KCNA10: variants seen among roughly 807,000 people sequenced by gnomAD.
KCNA10 encodes the protein potassium voltage-gated channel subfamily A member 10.
KCNA10 carries 16 observed loss-of-function variants against 21.4 expected under a neutral mutation model. That is an observed-to-expected ratio of 0.75 (90% CI 0.51 to 1.14). KCNA10 has a LOEUF of 1.14. Ranked by LOEUF, KCNA10 falls within the 50% of genes most tolerant of loss-of-function variation. The pLI is 0.00. For missense variants in KCNA10, 677 were observed against 649.1 expected (o/e 1.04, Z -0.47); for synonymous variants, 276 against 245.9 (o/e 1.12, Z -1.15).
Position 110,517,978 on chromosome 1 carries a change from A to G in KCNA10, c.810T>C (p.Pro270=). 6.2e-7 allele frequency: 1 copy of G among 1,613,888 alleles called. No individual in the cohort carries two copies. Among genetic ancestry groups the G allele is most frequent in the Non-Finnish European group, 8.5e-7 (1 of 1,180,006 alleles). Residue 270 remains proline, a synonymous_variant, in exon 1 of 1, where the codon CCT becomes CCC. Coordinates refer to ENST00000369771, the MANE Select transcript of KCNA10 (RefSeq NM_005549.2). ...TGCAGGTAGACTCCACCATGAAGAAAGGGTCGGTGAACATGGTCTGGGAGA... is the reference window on the plus strand; with the variant it reads ...TGCAGGTAGACTCCACCATGAAGAAGGGGTCGGTGAACATGGTCTGGGAGA... ...TVLSQTMFTD[P]FFMVESTCIV... is the part of the protein sequence containing the mutation.
rs1647260562 is a variant in KCNA10, at chr1:110,517,811, T to C, written c.977A>G (p.Glu326Gly). Residue 326 changes from glutamate to glycine, a missense_variant, in exon 1 of 1, where the codon GAG becomes GGG. Physicochemically the swap from Glu to Gly is moderately conservative, Grantham distance 98 (BLOSUM62 -2). Coordinates refer to ENST00000369771, the MANE Select transcript of KCNA10 (RefSeq NM_005549.2). The stretch of plus-strand genomic sequence containing the variant: ...GTTCTGTTGGGCACTCGGCTCTGTC[T>C]CCTGGACTAGCTCTGTGATGAGAGT... ...FATLITELVQ[E>G]TEPSAQQNMS... is the part of the protein sequence containing the mutation. 10 of 1,614,116 alleles carry C rather than the reference T, an allele frequency of 6.2e-6. No individual in the cohort carries two copies. Among genetic ancestry groups the C allele is most frequent in the Non-Finnish European group, 7.6e-6 (9 of 1,180,030 alleles).
chr1:110,518,352 G>A lies in KCNA10; in HGVS notation c.436C>T (p.Gln146Ter), dbSNP rs752413000. ...PSFDGILYYYQSGGKIRRPAN... is the reference protein window; with the variant it reads ...PSFDGILYYY The stretch of plus-strand genomic sequence containing the variant: ...GGGCGCCGAATTTTCCCACCAGATT[G>A]GTAATAATATAGGATTCCATCAAAA... The change falls in exon 1 of 1, where the codon CAA becomes TAA. Residue 146 changes from glutamine (Q) to a stop codon, truncating the protein, a stop_gained. Transcript: ENST00000369771. LOFTEE classifies it high-confidence loss of function. 4 of 1,614,182 alleles carry A rather than the reference G, an allele frequency of 2.5e-6. No individual in the cohort carries two copies. The highest frequency in any genetic ancestry group is 2.5e-6 in the Non-Finnish European group (3 of 1,180,034).
rs1182950171 is a variant in KCNA10, at chr1:110,517,658, A to G, written c.1130T>C (p.Leu377Ser). 1.2e-6 allele frequency: 2 copies of G among 1,614,172 alleles called. No individual in the cohort carries two copies. The highest frequency in any genetic ancestry group is 1.7e-6 in the Non-Finnish European group (2 of 1,180,028). ...TLKASMRELGLLIFFLFIGVI... is the reference protein window; with the variant it reads ...TLKASMRELGSLIFFLFIGVI... Reference sequence around the variant, plus strand: ...TCCAATGAAGAGAAAGAAGATGAGCAACCCCAACTCCCGCATGGACGCCTT... The same window carrying G: ...TCCAATGAAGAGAAAGAAGATGAGCGACCCCAACTCCCGCATGGACGCCTT... The change falls in exon 1 of 1, where the codon TTG becomes TCG. Residue 377 changes from leucine to serine, a missense_variant. Transcript: ENST00000369771.
At position 110,517,281 on chromosome 1, in the gene KCNA10, C is replaced by A; in HGVS notation, c.1507G>T (p.Gly503Cys). The A allele has an allele frequency of 1.9e-6, 3 of 1,613,854 alleles. No individual in the cohort carries two copies. The highest frequency in any genetic ancestry group is 2.5e-6 in the Non-Finnish European group (3 of 1,179,804). Residue 503 changes from glycine to cysteine, a missense_variant, in exon 1 of 1, where the codon GGC becomes TGC. Transcript: ENST00000369771. ...STDSLNKTNG[G>C]CSTEKSRK ...TTCCTAGACTTCTCTGTGGAACAGC[C>A]ACCATTGGTCTTATTAAGAGAGTCT...
At position 110,518,801 on chromosome 1, in the gene KCNA10, G is replaced by A; in HGVS notation, c.-14C>T. 1.3e-6 allele frequency: 2 copies of A among 1,518,096 alleles called. No homozygotes were observed. The highest frequency in any genetic ancestry group is 1.8e-6 in the Non-Finnish European group (2 of 1,129,658). The allele number at this position is 1,518,096 out of a possible 1,614,324, so 94.0% of individuals were successfully genotyped here. On this transcript the variant is annotated 5_prime_UTR_variant, in exon 1 of 1. Coordinates refer to ENST00000369771, the MANE Select transcript of KCNA10 (RefSeq NM_005549.2). ...ACACACATCCATTCTAGGGGAGCCA[G>A]GGAAGAAGCATGAAGATCCTCAGCC... is the stretch of plus-strand genomic sequence containing the variant.
In KCNA10 at chr1:110,517,362, T is replaced by G. The variant is rs750190808; in HGVS notation, c.1426A>C (p.Ile476Leu). ...AGGATTCTTTCAATTTCTCCTGGGA[T>G]GTTCTGCTTTTCTTCATTCTCAGTC... Reference protein sequence around the residue: ...RETENEEKQNIPGEIERILNS... With the variant: ...RETENEEKQNLPGEIERILNS... The change falls in exon 1 of 1, where the codon ATC becomes CTC. Residue 476 changes from isoleucine (I) to leucine (L), a missense_variant. Coordinates refer to ENST00000369771, the MANE Select transcript of KCNA10 (RefSeq NM_005549.2). 1.2e-6 allele frequency: 2 copies of G among 1,614,202 alleles called. No individual in the cohort carries two copies. The highest frequency in any genetic ancestry group is 1.7e-6 in the Non-Finnish European group (2 of 1,180,008).
chr1:110,518,017 C>T lies in KCNA10; in HGVS notation c.771G>A (p.Met257Ile), dbSNP rs746907973. ...TGGTCTGGGAGAGGACTGTCTTGCT[C>T]ATGTTGAGATTGGGGTCTCTGACCA... ...LKVVRDPNLNMSKTVLSQTMF... is the reference protein window; with the variant it reads ...LKVVRDPNLNISKTVLSQTMF... Residue 257 changes from methionine (M) to isoleucine (I), a missense_variant, in exon 1 of 1, where the codon ATG becomes ATA. Met to Ile is a conservative substitution (Grantham distance 10, BLOSUM62 1). Transcript: ENST00000369771. The T allele has an allele frequency of 1.9e-6, 3 of 1,613,946 alleles. No individual in the cohort carries two copies. The highest frequency in any genetic ancestry group is 2.5e-6 in the Non-Finnish European group (3 of 1,180,000).
rs1317611363 is a variant in KCNA10 at position 110,517,486 on chromosome 1, C to T, written c.1302G>A (p.Gly434=). The T allele has an allele frequency of 1.9e-6, 3 of 1,614,142 alleles. No individual in the cohort carries two copies. Among genetic ancestry groups the T allele is most frequent in the East Asian group, 2.2e-5 (1 of 44,880 alleles). ...YGDMCPTTPG[G]KIVGTLCAIA... ...TGGCACACAGAGTGCCCACAATCTT[C>T]CCCCCTGGGGTGGTCGGGCACATGT... is the stretch of plus-strand genomic sequence containing the variant. Residue 434 remains glycine, a synonymous_variant, in exon 1 of 1, where the codon GGG becomes GGA. Transcript: ENST00000369771.
rs1332429262 is a variant in KCNA10, at chr1:110,517,659, A to G, written c.1129T>C (p.Leu377=). The G allele has an allele frequency of 6.2e-7, 1 of 1,613,974 alleles. No homozygotes were observed. Among genetic ancestry groups the G allele is most frequent in the Non-Finnish European group, 8.5e-7 (1 of 1,179,982 alleles). ...CCAATGAAGAGAAAGAAGATGAGCA[A>G]CCCCAACTCCCGCATGGACGCCTTC... ...TLKASMRELG[L]LIFFLFIGVI... is the part of the protein sequence containing the mutation. Residue 377 remains leucine (L), a synonymous_variant, in exon 1 of 1, where the codon TTG becomes CTG. Transcript: ENST00000369771.
In KCNA10 at chr1:110,517,470, G is replaced by C. The variant is rs556353083; in HGVS notation, c.1318C>G (p.Leu440Val). 6 of 1,614,176 alleles carry C rather than the reference G, an allele frequency of 3.7e-6. No homozygotes were observed. The East Asian group carries it at 1.3e-4, about 36-fold the overall frequency. The change falls in exon 1 of 1, where the codon CTG becomes GTG. Residue 440 changes from leucine to valine, a missense_variant. Leu to Val is a conservative substitution (Grantham distance 32). Transcript: ENST00000369771. ...GTGAGGACCCCTGCAATGGCACACAGAGTGCCCACAATCTTCCCCCCTGGG... is the reference window on the plus strand; with the variant it reads ...GTGAGGACCCCTGCAATGGCACACACAGTGCCCACAATCTTCCCCCCTGGG... Reference protein sequence around the residue: ...TTPGGKIVGTLCAIAGVLTIA... With the variant: ...TTPGGKIVGTVCAIAGVLTIA...
In KCNA10 at chr1:110,518,085, G is replaced by A. The variant is rs952028901; in HGVS notation, c.703C>T (p.Leu235=). Reference sequence around the variant, plus strand: ...TCCCGGAACTCTGGCAGTGTCTCCAGGCAGAAGATGGTGATGGAGATGACC... The same window carrying A: ...TCCCGGAACTCTGGCAGTGTCTCCAAGCAGAAGATGGTGATGGAGATGACC... ...VVVISITIFC[L]ETLPEFREDR... Residue 235 remains leucine, a synonymous_variant, in exon 1 of 1, where the codon CTG becomes TTG. Transcript: ENST00000369771. 1 of 1,613,606 alleles carries A rather than the reference G, an allele frequency of 6.2e-7. No individual in the cohort carries two copies. Among genetic ancestry groups the A allele is most frequent in the Non-Finnish European group, 8.5e-7 (1 of 1,179,924 alleles).
Position 110,517,528 on chromosome 1 carries a change from T to G in KCNA10, c.1260A>C (p.Thr420=), listed in dbSNP as rs571930270. The G allele has an allele frequency of 1.2e-6, 2 of 1,614,150 alleles. No homozygotes were observed. The highest frequency in any genetic ancestry group is 2.7e-5 in the African/African-American group (2 of 75,022). The change falls in exon 1 of 1, where the codon ACA becomes ACC. Residue 420 remains threonine (T), a synonymous_variant. Transcript: ENST00000369771. The part of the protein sequence containing the change: ...DGFWWAVVTM[T]TVGYGDMCPT... ...GGCACATGTCCCCATAGCCTACAGT[T>G]GTCATGGTGACCACTGCCCACCAGA...
rs1279843710 is a variant in KCNA10, at chr1:110,518,394, C to A, written c.394G>T (p.Asp132Tyr). ...FDSMRNEYFF[D>Y]RNRPSFDGIL... ...CCATCAAAACTGGGCCGGTTCCGAT[C>A]AAAGAAATACTCATTTCTCATGGAG... Residue 132 changes from aspartate to tyrosine, a missense_variant, in exon 1 of 1, where the codon GAT (aspartate) becomes TAT (tyrosine). Coordinates refer to ENST00000369771, the MANE Select transcript of KCNA10 (RefSeq NM_005549.2). 6.2e-7 allele frequency: 1 copy of A among 1,614,186 alleles called. No homozygotes were observed. The highest frequency in any genetic ancestry group is 2.2e-5 in the East Asian group (1 of 44,880).
At position 110,518,282 on chromosome 1, in the gene KCNA10, T is replaced by C. The variant is rs752373457; in HGVS notation, c.506A>G (p.Tyr169Cys). The change falls in exon 1 of 1, where the codon TAT becomes TGT. Residue 169 changes from tyrosine (Y) to cysteine (C), a missense_variant. By Grantham distance (194) the Tyr-to-Cys change is radical (BLOSUM62 -2). Transcript: ENST00000369771. Reference protein sequence around the residue: ...IDIFADEISFYELGSEAMDQF... With the variant: ...IDIFADEISFCELGSEAMDQF... Reference sequence around the variant, plus strand: ...GTCCATGGCCTCACTACCCAGCTCATAGAAGGAGATTTCATCAGCAAAGAT... The same window carrying C: ...GTCCATGGCCTCACTACCCAGCTCACAGAAGGAGATTTCATCAGCAAAGAT... 3.1e-6 allele frequency: 5 copies of C among 1,614,158 alleles called. No individual in the cohort carries two copies. The highest frequency in any genetic ancestry group is 3.4e-6 in the Non-Finnish European group (4 of 1,180,028).
In KCNA10 at chr1:110,517,785, T is replaced by A; in HGVS notation, c.1003A>T (p.Met335Leu). 1 of 1,614,018 alleles carries A rather than the reference T, an allele frequency of 6.2e-7. No homozygotes were observed. The highest frequency in any genetic ancestry group is 8.5e-7 in the Non-Finnish European group (1 of 1,179,988). The change falls in exon 1 of 1, where the codon ATG (methionine) becomes TTG (leucine). Residue 335 changes from methionine (M) to leucine (L), a missense_variant. Transcript: ENST00000369771. ...QETEPSAQQNMSLAILRIIRL... is the reference protein window; with the variant it reads ...QETEPSAQQNLSLAILRIIRL... The stretch of plus-strand genomic sequence containing the variant: ...ATGATCCTCAGGATGGCCAGGGACA[T>A]GTTCTGTTGGGCACTCGGCTCTGTC...
Position 110,518,593 on chromosome 1 carries a change from C to G in KCNA10, c.195G>C (p.Lys65Asn). The change falls in exon 1 of 1, where the codon AAG becomes AAC. Residue 65 changes from lysine to asparagine, a missense_variant. By Grantham distance (94) the Lys-to-Asn change is moderately conservative (BLOSUM62 0). Coordinates refer to ENST00000369771, the MANE Select transcript of KCNA10 (RefSeq NM_005549.2). Reference sequence around the variant, plus strand: ...GGGGGTCAGCATAGTCTCCCGGAAGCTTGGAGAAGGCCGTCTCATGGTTGG... The same window carrying G: ...GGGGGTCAGCATAGTCTCCCGGAAGGTTGGAGAAGGCCGTCTCATGGTTGG... ...ESTNHETAFS[K>N]LPGDYADPPG... 6.2e-7 allele frequency: 1 copy of G among 1,614,178 alleles called. No individual in the cohort carries two copies.
rs536642643 is a variant in KCNA10 at position 110,519,079 on chromosome 1, T to C, written c.-292A>G. The C allele has an allele frequency of 3.5e-6, 1 of 287,344 alleles. No homozygotes were observed. The highest frequency in any genetic ancestry group is 4.7e-5 in the Admixed American group (1 of 21,370). The allele number at this position is 287,344 out of a possible 1,614,324, so 17.8% of individuals were successfully genotyped here. ...AAGGATCCTGGCAAAGAAGGGGAGA[T>C]TCTCCCCAGCAAAGGATGGTCTCCA... is the stretch of plus-strand genomic sequence containing the variant. On this transcript the variant is annotated 5_prime_UTR_variant, in exon 1 of 1. Coordinates refer to ENST00000369771, the MANE Select transcript of KCNA10 (RefSeq NM_005549.2).
At position 110,517,501 on chromosome 1, in the gene KCNA10, C is replaced by A. The variant is rs138963144; in HGVS notation, c.1287G>T (p.Pro429=). 6 of 1,613,960 alleles carry A rather than the reference C, an allele frequency of 3.7e-6. No individual in the cohort carries two copies. Among genetic ancestry groups the A allele is most frequent in the Admixed American group, 1.7e-5 (1 of 60,002 alleles). ...CCACAATCTTCCCCCCTGGGGTGGTCGGGCACATGTCCCCATAGCCTACAG... is the reference window on the plus strand; with the variant it reads ...CCACAATCTTCCCCCCTGGGGTGGTAGGGCACATGTCCCCATAGCCTACAG... The part of the protein sequence containing the change: ...MTTVGYGDMC[P]TTPGGKIVGT... Residue 429 remains proline (P), a synonymous_variant, in exon 1 of 1, where the codon CCG becomes CCT. Transcript: ENST00000369771.
In KCNA10 at chr1:110,518,026, AT is replaced by A; in HGVS notation, c.761del (p.Asn254IlefsTer4). ...AGAGGACTGTCTTGCTCATGTTGAG[AT>A]TGGGGTCTCTGACCACCTTTAGCTC... ...DRELKVVRDPNLNMSKTVLSQ... is the reference protein window; with the variant it reads ...DRELKVVRDPXLNMSKTVLSQ... On this transcript the variant is annotated frameshift_variant, in exon 1 of 1. Transcript: ENST00000369771. LOFTEE classifies it high-confidence loss of function. 6.2e-7 allele frequency: 1 copy of A among 1,613,600 alleles called. No homozygotes were observed. The highest frequency in any genetic ancestry group is 8.5e-7 in the Non-Finnish European group (1 of 1,179,942).
Sources: gnomAD v4.1 joint callset for allele counts on GRCh38, gnomAD v4.1.1 for gene constraint, MANE v1.5 for transcripts, NCBI Gene and HGNC (gene_info 2026-07-23, HGNC 2026-07-21) for gene names.